The following RNF220 variants were observed in gnomAD, a reference collection of about 807,000 sequenced individuals.
RNF220 encodes the protein E3 ubiquitin-protein ligase RNF220.
RNF220 carries 7 observed loss-of-function variants against 67.1 expected under a neutral mutation model. That is an observed-to-expected ratio of 0.10 (90% CI 0.06 to 0.20). The LOEUF (loss-of-function observed/expected upper bound fraction) is 0.20. Among genes scored for constraint, RNF220 ranks in the 10% least tolerant of loss-of-function variants. The pLI, the probability that RNF220 is intolerant of heterozygous loss-of-function variation, is 1.00. For missense variants in RNF220, 565 were observed against 740.3 expected, an observed-to-expected ratio of 0.76 and a Z score of 2.75; for synonymous variants, 270 against 283.2, an observed-to-expected ratio of 0.95 and a Z score of 0.47.
chr1:44,610,288 A>C (rs768720597), intron 2 of RNF220, among the ~76,000 whole-genome samples: 1 of 152,242 alleles, frequency 6.6e-6, no homozygotes, highest in Non-Finnish European at 1.5e-5. Context: ...CCTCGTTATC[A>C]GTGCAAGGGC....
chr1:44,623,780 C>G (rs1202471412), intron 4 of RNF220, among the ~76,000 whole-genome samples: 1 of 152,108 alleles, frequency 6.6e-6, no homozygotes, highest in Non-Finnish European at 1.5e-5. Flanking sequence ...AGGAGGAACA[C>G]TCAGTGAGTT....
Position 44,651,005 on chromosome 1 carries a change from C to A in RNF220, c.*230C>A. 1.8e-4 allele frequency: 87 copies of A among 486,596 alleles called. No individual in the cohort carries two copies. The highest frequency in any genetic ancestry group is 4.9e-4 in the Middle Eastern group (1 of 2,046). The allele number at this position is 486,596 out of a possible 1,614,324, so 30.1% of individuals were successfully genotyped here. A position where few individuals can be genotyped will look rare whatever the true frequency, so the allele number is the denominator to read the frequency against. On this transcript the variant is annotated 3_prime_UTR_variant, in exon 15 of 15. Transcript: ENST00000361799. Reference sequence around the variant, plus strand: ...TGGCTCCCACCTATGGTTTGGGGGCCATACCTGTTCCAGCTCTGTTCCCAG... The same window carrying A: ...TGGCTCCCACCTATGGTTTGGGGGCAATACCTGTTCCAGCTCTGTTCCCAG...
At chr1:44,476,446 C>G (rs914766351) in intron 2 of RNF220, among the ~76,000 whole-genome samples, 2 of 152,104 alleles carry the variant, frequency 1.3e-5, no homozygotes, top group Non-Finnish European at 2.9e-5. Context: ...GTTAGAAAAG[C>G]CAGAAAGCCA....
chr1:44,432,801 T>C (rs1291687704), intron 2 of RNF220, among the ~76,000 whole-genome samples: 2 of 151,954 alleles, frequency 1.3e-5, no homozygotes, highest in Middle Eastern at 3.2e-3. Context: ...ACTTGGAAAA[T>C]ATTTCTCCCC....
intron 2 of RNF220, among the ~76,000 whole-genome samples, chr1:44,584,473 T>C (rs911401914): frequency 6.6e-6 from 1 of 152,204 alleles, no homozygotes; most frequent in Non-Finnish European, 1.5e-5. Context: ...GATGTTGATT[T>C]TCCCCTTTTA....
intron 2 of RNF220, among the ~76,000 whole-genome samples, chr1:44,449,009 G>A (rs776642893): frequency 1.6e-4 from 24 of 152,212 alleles, no homozygotes; most frequent in South Asian, 8.3e-4. Context: ...GCTACTCACT[G>A]TACAACCACA....
At chr1:44,501,822 C>T (rs994279396) in intron 2 of RNF220, among the ~76,000 whole-genome samples, 7 of 152,058 alleles carry the variant, frequency 4.6e-5, no homozygotes, top group Non-Finnish European at 7.3e-5. Flanking sequence ...CAGCTGTTTT[C>T]TCCGCTCTTA....
intron 2 of RNF220, among the ~76,000 whole-genome samples, chr1:44,435,463 G>A (rs1005761839): frequency 6.6e-6 from 1 of 152,202 alleles, no homozygotes; most frequent in African/African-American, 2.4e-5. Context: ...CAGGACATGA[G>A]GATACCTTGA....
At chr1:44,507,210 C>T (rs2148111297) in intron 2 of RNF220, among the ~76,000 whole-genome samples, 1 of 152,322 alleles carries the variant, frequency 6.6e-6, no homozygotes, top group Non-Finnish European at 1.5e-5. Context: ...GCCAAAACCC[C>T]TTCTTCTGCT....
chr1:44,451,137 C>G (rs544700297), intron 2 of RNF220, among the ~76,000 whole-genome samples: 1 of 150,330 alleles, frequency 6.7e-6, no homozygotes, highest in Non-Finnish European at 1.5e-5. Context: ...GAGCCAAGAT[C>G]GGGCCACTGC....
At chr1:44,626,478 T>C (rs1027401302) in intron 5 of RNF220, 80 bp downstream of exon 5, 2 of 1,103,108 alleles carry the variant, frequency 1.8e-6, no homozygotes, top group Middle Eastern at 5.0e-4. Context: ...TGCTAACTCC[T>C]CCTCTCCTCT....
At chr1:44,569,432 G>A (rs547619436) in intron 2 of RNF220, among the ~76,000 whole-genome samples, 4 of 152,300 alleles carry the variant, frequency 2.6e-5, no homozygotes, top group South Asian at 2.1e-4. Flanking sequence ...GTTAATAAGA[G>A]GGATACGGTC....
chr1:44,636,132 G>A lies in RNF220; in HGVS notation c.1096G>A (p.Ala366Thr). The change falls in exon 8 of 15, where the codon GCC (alanine) becomes ACC (threonine). Residue 366 changes from alanine to threonine, a missense_variant. Physicochemically the swap from Ala to Thr is moderately conservative, Grantham distance 58. Transcript: ENST00000361799. ...YEWCGQKRIRATTLLEGGFRG... is the reference protein window; with the variant it reads ...YEWCGQKRIRTTTLLEGGFRG... ...GTGGTGTGGACAGAAGCGGATACGG[G>A]CCACCACTCTCCTGGAAGGTGGCTT... The A allele has an allele frequency of 6.2e-7, 1 of 1,610,998 alleles. No homozygotes were observed.
chr1:44,585,072 CA>C (rs1488514958), intron 2 of RNF220, among the ~76,000 whole-genome samples: 1 of 152,180 alleles, frequency 6.6e-6, no homozygotes, highest in Non-Finnish European at 1.5e-5. Context: ...GAGAGAAGCC[CA>C]AATGTCTACC....
At chr1:44,520,085 TTGTGTGTGTGTGTGTGTGTGTG>T (rs1167831790) in intron 2 of RNF220, among the ~76,000 whole-genome samples, 1 of 106,384 alleles carries the variant, frequency 9.4e-6, no homozygotes, top group Non-Finnish European at 1.9e-5. Context: ...AAGTCCAGCA[TTGTGTGTGTGTGTGTGTGTGTG>T]TGTGTGTGTG....
chr1:44,406,997 A>G (rs1160732090), intron 1 of RNF220, among the ~76,000 whole-genome samples: 1 of 152,140 alleles, frequency 6.6e-6, no homozygotes, highest in African/African-American at 2.4e-5. Context: ...CTTCCCGTTA[A>G]GCACACCCTG....
At chr1:44,630,304 C>G (rs1307714891) in intron 5 of RNF220, among the ~76,000 whole-genome samples, 1 of 152,232 alleles carries the variant, frequency 6.6e-6, no homozygotes, top group African/African-American at 2.4e-5. Flanking sequence ...ACTTAAACCT[C>G]ATAGCAACTG....
intron 2 of RNF220, among the ~76,000 whole-genome samples, chr1:44,496,273 G>T (rs957453084): frequency 6.6e-6 from 1 of 152,198 alleles, no homozygotes; most frequent in Non-Finnish European, 1.5e-5. Flanking sequence ...TGAAGCTGGG[G>T]ATACAGAGAG....
At chr1:44,462,401 C>A (rs1024106673) in intron 2 of RNF220, among the ~76,000 whole-genome samples, 1 of 151,934 alleles carries the variant, frequency 6.6e-6, no homozygotes, top group African/African-American at 2.4e-5. Flanking sequence ...CATAATATGT[C>A]GCTATAACCA....
Sources: gnomAD v4.1 joint callset for allele counts (sites outside exome capture counted in the v4.1 genomes callset) on GRCh38, gnomAD v4.1.1 for gene constraint, MANE v1.5 for transcripts, NCBI Gene and HGNC (gene_info 2026-07-23, HGNC 2026-07-21) for gene names.